PROM1: variants seen among roughly 807,000 people sequenced by gnomAD.
PROM1 encodes prominin-1.
PROM1 carries 105 observed loss-of-function variants against 116.9 expected under a neutral mutation model. That is an observed-to-expected ratio of 0.90 (90% CI 0.77 to 1.06). The LOEUF (loss-of-function observed/expected upper bound fraction) is 1.06. Ranked by LOEUF, PROM1 falls within the 50% of genes least tolerant of loss-of-function variation. The pLI, the probability that PROM1 is intolerant of heterozygous loss-of-function variation, is 0.00. For missense variants in PROM1, 1,122 were observed against 1,045.2 expected (o/e 1.07, Z -1.01); for synonymous variants, 393 against 387.0 (o/e 1.02, Z -0.18).
At chr4:16,073,873 T>G (rs1319921543) in intron 2 of PROM1, among the ~76,000 whole-genome samples, 1 of 152,182 alleles carries the variant, frequency 6.6e-6, no homozygotes, top group Non-Finnish European at 1.5e-5. Flanking sequence ...TACATTGCTT[T>G]TCCTTATTAA....
chr4:16,073,469 C>T (rs1743262073), intron 2 of PROM1, among the ~76,000 whole-genome samples: 1 of 152,006 alleles, frequency 6.6e-6, no homozygotes, highest in African/African-American at 2.4e-5. Context: ...TGCAAAGCAC[C>T]CAGTGGGCAC....
intron 23 of PROM1, among the ~76,000 whole-genome samples, chr4:15,982,774 G>A (rs768988185): frequency 3.3e-5 from 5 of 152,190 alleles, no homozygotes; most frequent in Admixed American, 6.5e-5. Flanking sequence ...CTGGCGGCAG[G>A]GGCCACCAAG....
At chr4:16,035,785 G>T (rs1231022272) in intron 3 of PROM1, 24 bp from the exon 4 acceptor site, 2 of 1,612,216 alleles carry the variant, frequency 1.2e-6, no homozygotes, top group Non-Finnish European at 1.7e-6. Context: ...CGCAGGTGAG[G>T]AATTTTGGCA....
In PROM1 at chr4:16,019,713, T is replaced by A. The variant is rs183354738; in HGVS notation, c.785-1173A>T. Among the ~76,000 whole-genome samples the A allele has an allele frequency of 2.2e-4, 33 of 152,296 alleles. No individual in the cohort carries two copies. The East Asian group carries it at 5.4e-3, about 25-fold the overall frequency. On this transcript the variant is annotated intron_variant, in intron 8 of 27. Coordinates refer to ENST00000447510, the MANE Select transcript of PROM1 (RefSeq NM_006017.3). ...TTTGCTCTTCTTCTAAGCAAATAAA[T>A]CTTCTTGGTCAGGTCTTCGCTCTGT...
chr4:15,979,195 C>A (rs747528370), intron 26 of PROM1, among the ~76,000 whole-genome samples, 200 bp downstream of exon 26: 8 of 152,120 alleles, frequency 5.3e-5, no homozygotes, highest in Non-Finnish European at 1.0e-4. Flanking sequence ...TGAATAATTC[C>A]ATTGTTTAGA....
chr4:16,013,367 T>C (rs1727420621), intron 10 of PROM1, 29 bp from the exon 11 acceptor site: 1 of 1,524,886 alleles, frequency 6.6e-7, no homozygotes, highest in African/African-American at 1.4e-5. Flanking sequence ...TAAAAGGATG[T>C]ACACAGTTAA....
chr4:16,054,701 C>T (rs1381094265), intron 2 of PROM1, among the ~76,000 whole-genome samples: 2 of 152,112 alleles, frequency 1.3e-5, no homozygotes, highest in African/African-American at 4.8e-5. Context: ...AATAGAGTTG[C>T]TATAATTATG....
At chr4:16,028,688 A>G (rs1252335199) in intron 5 of PROM1, among the ~76,000 whole-genome samples, 2 of 139,674 alleles carry the variant, frequency 1.4e-5, no homozygotes, top group African/African-American at 5.4e-5. Context: ...ACCTCCAGTC[A>G]ATTATTAGAA....
chr4:16,049,952 C>T (rs1214035328), intron 2 of PROM1, among the ~76,000 whole-genome samples: 1 of 152,040 alleles, frequency 6.6e-6, no homozygotes, highest in East Asian at 1.9e-4. Flanking sequence ...TATTCTTCCA[C>T]CCAAGCTTCA....
At chr4:15,982,651 G>T (rs1718261606) in intron 23 of PROM1, among the ~76,000 whole-genome samples, 1 of 152,126 alleles carries the variant, frequency 6.6e-6, no homozygotes, top group Non-Finnish European at 1.5e-5. Context: ...GGCATCTGGT[G>T]GCTATGTGGT....
intron 2 of PROM1, among the ~76,000 whole-genome samples, chr4:16,065,351 T>C (rs1741276818): frequency 6.6e-6 from 1 of 152,180 alleles, no homozygotes; most frequent in Non-Finnish European, 1.5e-5. Flanking sequence ...CCTGGAATGT[T>C]CTCTGTGTCT....
chr4:15,976,337 C>T (rs1168533447), intron 26 of PROM1: 1 of 403,534 alleles, frequency 2.5e-6, no homozygotes, highest in Non-Finnish European at 5.0e-6. Flanking sequence ...CAAGAGTTAT[C>T]AAGTCTTATG....
In PROM1 at chr4:16,018,403, A is replaced by G; in HGVS notation, c.922T>C (p.Leu308=). The G allele has an allele frequency of 6.2e-7, 1 of 1,613,900 alleles. No individual in the cohort carries two copies. The highest frequency in any genetic ancestry group is 8.5e-7 in the Non-Finnish European group (1 of 1,179,892). The change falls in exon 9 of 28, where the codon TTG becomes CTG. Residue 308 remains leucine, a synonymous_variant. Coordinates refer to ENST00000447510, the MANE Select transcript of PROM1 (RefSeq NM_006017.3). ...CAGGTTTCACTTGATGGATGCACCA[A>G]GCACAGAGGGTCATTGAGAGATGAC... ...LRSSLNDPLC[L]VHPSSETCNS... is the part of the protein sequence containing the mutation.
chr4:16,039,546 T>G (rs1253931214), intron 2 of PROM1, among the ~76,000 whole-genome samples: 1 of 152,160 alleles, frequency 6.6e-6, no homozygotes. Context: ...AAGACCAGCC[T>G]GCTCAACATG....
At position 16,021,098 on chromosome 4, in the gene PROM1, C is replaced by CAAAAA. The variant is rs34850856; in HGVS notation, c.784+2223_784+2227dup. 3.6e-3 allele frequency among the ~76,000 whole-genome samples: 473 copies of CAAAAA among 130,034 alleles called. 6 individuals carry two copies. The highest frequency in any genetic ancestry group is 3.9e-3 in the South Asian group (16 of 4,052). 85.3% of individuals were successfully genotyped at this position (130,034 alleles called of 152,430 possible). A position where few individuals can be genotyped will look rare whatever the true frequency, so the allele number is the denominator to read the frequency against. Reference sequence around the variant, plus strand: ...CACAGGGCTGCAAATCATTTTTAGCCAAAAAAAAAAAAAAAATGCTGGAGT... The same window carrying CAAAAA: ...CACAGGGCTGCAAATCATTTTTAGCCAAAAAAAAAAAAAAAAAAAAATGCTGGAGT... On this transcript the variant is annotated intron_variant, in intron 8 of 27. Transcript: ENST00000447510.
chr4:16,002,331 C>T (rs779017780), intron 13 of PROM1, among the ~76,000 whole-genome samples: 9 of 152,132 alleles, frequency 5.9e-5, no homozygotes, highest in East Asian at 1.9e-4. Flanking sequence ...CCAATGTACC[C>T]GGTGCGTAGC....
chr4:15,987,263 T>C (rs1431611412), intron 20 of PROM1, among the ~76,000 whole-genome samples: 1 of 152,188 alleles, frequency 6.6e-6, no homozygotes, highest in Non-Finnish European at 1.5e-5. Flanking sequence ...GAGCTGCTCC[T>C]TCAGGCCGGG....
intron 8 of PROM1, among the ~76,000 whole-genome samples, chr4:16,018,882 C>G (rs1323799730): frequency 6.6e-6 from 1 of 152,208 alleles, no homozygotes; most frequent in Non-Finnish European, 1.5e-5. Flanking sequence ...TCAGTCCAAA[C>G]AAGTCAATCC....
chr4:16,034,489 C>A (rs13107837), intron 4 of PROM1, among the ~76,000 whole-genome samples: 8 of 152,102 alleles, frequency 5.3e-5, no homozygotes, highest in African/African-American at 1.7e-4. Context: ...CTTGGCAGTC[C>A]GTGTCTCAGA....
Sources: allele counts gnomAD v4.1 joint callset (sites outside exome capture counted in the v4.1 genomes callset), GRCh38; gene constraint gnomAD v4.1.1; transcripts MANE v1.5; gene names NCBI Gene and HGNC (gene_info 2026-07-23, HGNC 2026-07-21).